Variants in SF3A3 observed in about 807,000 individuals in gnomAD.
SF3A3 encodes splicing factor 3a subunit 3, also known as SAP 61.
Under a neutral mutation model 85.8 loss-of-function variants are expected in SF3A3, and 9 were observed. The observed-to-expected ratio is 0.10, with a 90% CI of 0.06 to 0.18. SF3A3 has a LOEUF of 0.18. Among genes scored for constraint, SF3A3 ranks in the 10% least tolerant of loss-of-function variants. SF3A3 has a pLI of 1.00. For synonymous variants in SF3A3, 195 were observed against 204.4 expected (o/e 0.95, Z 0.39); for missense variants, 306 against 593.3 (o/e 0.52, Z 5.03).
intron 8 of SF3A3, 57 bp from the exon 9 acceptor site, chr1:37,979,590 T>C (rs1205348455): frequency 2.2e-6 from 3 of 1,345,092 alleles, no homozygotes; most frequent in African/African-American, 1.4e-5. Flanking sequence ...GTGTGGTGGC[T>C]CACACCTGTA....
chr1:37,965,472 G>A lies in SF3A3; in HGVS notation c.1372+2572C>T, dbSNP rs77870282. On this transcript the variant is annotated intron_variant, in intron 15 of 16. Coordinates refer to ENST00000373019, the MANE Select transcript of SF3A3 (RefSeq NM_006802.4). ...TTCAAATGACAGGTTGTAGCATGTT[G>A]CATGTTGGGCGGGGATCACGCCTGC... is the stretch of plus-strand genomic sequence containing the variant. Among the ~76,000 whole-genome samples the A allele has an allele frequency of 9.9e-4, 150 of 152,252 alleles. 1 individual carries two copies. The highest frequency in any genetic ancestry group is 3.5e-3 in the African/African-American group (144 of 41,554).
intron 6 of SF3A3, among the ~76,000 whole-genome samples, chr1:37,983,608 A>AAAAAAAAAAAAAAAAAATTTATTTTG (rs1646435820): frequency 6.8e-6 from 1 of 146,156 alleles, no homozygotes; most frequent in African/African-American, 2.5e-5. Context: ...AAAAAAAAAA[A>AAAAAAAAAAAAAAAAAATTTATTTTG]GATTTATTTT....
intron 15 of SF3A3, among the ~76,000 whole-genome samples, chr1:37,967,435 T>G (rs1646309555): frequency 6.7e-6 from 1 of 149,694 alleles, no homozygotes; most frequent in African/African-American, 2.5e-5. Context: ...ATCCCAGCAC[T>G]TTGGGAGGCC....
At chr1:37,988,858 TG>T (rs1646473128) in intron 2 of SF3A3, among the ~76,000 whole-genome samples, 4 of 99,518 alleles carry the variant, frequency 4.0e-5, no homozygotes, top group Non-Finnish European at 7.1e-5. Flanking sequence ...CGGGGTGTGT[TG>T]TGTGTGTGTG....
At position 37,987,668 on chromosome 1, in the gene SF3A3, C is replaced by T; in HGVS notation, c.208G>A (p.Glu70Lys). 1 of 1,613,980 alleles carries T rather than the reference C, an allele frequency of 6.2e-7. No individual in the cohort carries two copies. Among genetic ancestry groups the T allele is most frequent in the Non-Finnish European group, 8.5e-7 (1 of 1,179,864 alleles). ...GGTCCTGAAATGGCATTGAGCTCCT[C>T]CTTTCGTAATCTGCAATTTCAGGAA... is the stretch of plus-strand genomic sequence containing the variant. ...LYDDKDGLRKEELNAISGPNE... is the reference protein window; with the variant it reads ...LYDDKDGLRKKELNAISGPNE... The change falls in exon 4 of 17, where the codon GAG becomes AAG. Residue 70 changes from glutamate (E) to lysine (K), a missense_variant. This residue lies in a region of SF3A3 where 152 missense variants were observed against 192.0 expected (regional missense o/e 0.79). Coordinates refer to ENST00000373019, the MANE Select transcript of SF3A3 (RefSeq NM_006802.4).
chr1:37,969,254 T>C, intron 14 of SF3A3, 100 bp downstream of exon 14: 1 of 841,972 alleles, frequency 1.2e-6, no homozygotes, highest in Non-Finnish European at 2.0e-6. Flanking sequence ...TCCCTTCAGC[T>C]CTGGACACCA....
In SF3A3 at chr1:37,981,776, G is replaced by C. The variant is rs759746755; in HGVS notation, c.504C>G (p.Asp168Glu). The C allele has an allele frequency of 6.3e-7, 1 of 1,597,354 alleles. No homozygotes were observed. Among genetic ancestry groups the C allele is most frequent in the Non-Finnish European group, 8.6e-7 (1 of 1,166,552 alleles). ...TTTCTTTAGGAATGTCAAATAATTGGTCAAAGATGGACAGGTATGTGATAT... is the reference window on the plus strand; with the variant it reads ...TTTCTTTAGGAATGTCAAATAATTGCTCAAAGATGGACAGGTATGTGATAT... ...LDYITYLSIF[D>E]QLFDIPKERK... The change falls in exon 7 of 17, where the codon GAC becomes GAG. Residue 168 changes from aspartate (D) to glutamate (E), a missense_variant. Transcript: ENST00000373019.
In SF3A3 at chr1:37,989,976, T is replaced by C; in HGVS notation, c.-11A>G. On this transcript the variant is annotated 5_prime_UTR_variant, in exon 1 of 17. Coordinates refer to ENST00000373019, the MANE Select transcript of SF3A3 (RefSeq NM_006802.4). ...CAGTATTGTCTCCATCTTCCCTTAGTCGCGGCTTCTCAATTCAGACCACCA... is the reference window on the plus strand; with the variant it reads ...CAGTATTGTCTCCATCTTCCCTTAGCCGCGGCTTCTCAATTCAGACCACCA... 6.2e-7 allele frequency: 1 copy of C among 1,601,854 alleles called. No individual in the cohort carries two copies. The highest frequency in any genetic ancestry group is 8.5e-7 in the Non-Finnish European group (1 of 1,173,708).
chr1:37,962,107 CA>C (rs1476471103), intron 15 of SF3A3, among the ~76,000 whole-genome samples: 48 of 126,404 alleles, frequency 3.8e-4, no homozygotes, highest in African/African-American at 7.7e-4. Flanking sequence ...CAAAACAAAA[CA>C]AAACAAACAA....
chr1:37,962,511 G>A (rs555981608), intron 15 of SF3A3, among the ~76,000 whole-genome samples: 9 of 148,260 alleles, frequency 6.1e-5, no homozygotes, highest in Middle Eastern at 7.0e-3. Context: ...GCTGAGGCAG[G>A]AGAATCGCTT....
chr1:37,978,738 T>C lies in SF3A3; in HGVS notation c.917A>G (p.Lys306Arg). The change falls in exon 11 of 17, where the codon AAG becomes AGG. Residue 306 changes from lysine to arginine, a missense_variant. Around this residue, in one of 4 missense-constraint regions of SF3A3, gnomAD observed 136 missense variants for 296.6 expected, o/e 0.46. Coordinates refer to ENST00000373019, the MANE Select transcript of SF3A3 (RefSeq NM_006802.4). ...CACTCACCGCTTGGTGCCCTTTGAC[T>C]TGGGATTTTTGGCAAACAAAGAGGT... Reference protein sequence around the residue: ...LDTSLFAKNPKSKGTKRDTER... With the variant: ...LDTSLFAKNPRSKGTKRDTER... 1 of 1,563,914 alleles carries C rather than the reference T, an allele frequency of 6.4e-7. No homozygotes were observed. The highest frequency in any genetic ancestry group is 8.7e-7 in the Non-Finnish European group (1 of 1,152,726).
chr1:37,989,826 G>A lies in SF3A3; in HGVS notation c.96+44C>T, dbSNP rs200456728. On this transcript the variant is annotated intron_variant, in intron 1 of 16. Coordinates refer to ENST00000373019, the MANE Select transcript of SF3A3 (RefSeq NM_006802.4). Reference sequence around the variant, plus strand: ...GCTCTCAGAGGTCAAACACGGGATAGAGGCTCGTGCTCCTGCCGCAGCCTC... The same window carrying A: ...GCTCTCAGAGGTCAAACACGGGATAAAGGCTCGTGCTCCTGCCGCAGCCTC... The A allele has an allele frequency of 4.1e-6, 6 of 1,480,386 alleles. No individual in the cohort carries two copies. In the African/African-American group the frequency reaches 6.9e-5, roughly 17 times the overall value. The allele number at this position is 1,480,386 out of a possible 1,614,324, so 91.7% of individuals were successfully genotyped here. A position where few individuals can be genotyped will look rare whatever the true frequency, so the allele number is the denominator to read the frequency against.
At position 37,969,821 on chromosome 1, in the gene SF3A3, AC is replaced by A. The variant is rs1207231691; in HGVS notation, c.1006-87del. 1.7e-5 allele frequency: 24 copies of A among 1,424,838 alleles called. No individual in the cohort carries two copies. The East Asian group carries it at 4.6e-4, about 27-fold the overall frequency. The allele number at this position is 1,424,838 out of a possible 1,614,324, so 88.3% of individuals were successfully genotyped here. A position where few individuals can be genotyped will look rare whatever the true frequency, so the allele number is the denominator to read the frequency against. On this transcript the variant is annotated intron_variant, in intron 12 of 16. Transcript: ENST00000373019. ...TCCTGTTTTCCTGTAACTTTTGCTG[AC>A]CCCTTACTTCCAAGGATAAGGTTCT...
chr1:37,975,921 C>T (rs933539487), intron 12 of SF3A3, among the ~76,000 whole-genome samples: 2 of 152,162 alleles, frequency 1.3e-5, no homozygotes, highest in East Asian at 1.9e-4. Context: ...CTTTGGGAGG[C>T]CGAGGCAAGC....
chr1:37,966,783 A>G (rs1323758059), intron 15 of SF3A3, among the ~76,000 whole-genome samples: 1 of 151,072 alleles, frequency 6.6e-6, no homozygotes, highest in Non-Finnish European at 1.5e-5. Flanking sequence ...TAAAAGTACA[A>G]AATTAGCCAG....
Position 37,981,776 on chromosome 1 carries a change from G to A in SF3A3, c.504C>T (p.Asp168=), listed in dbSNP as rs759746755. Residue 168 remains aspartate (D), a synonymous_variant, in exon 7 of 17, where the codon GAC becomes GAT. Coordinates refer to ENST00000373019, the MANE Select transcript of SF3A3 (RefSeq NM_006802.4). ...TTTCTTTAGGAATGTCAAATAATTG[G>A]TCAAAGATGGACAGGTATGTGATAT... ...LDYITYLSIF[D]QLFDIPKERK... 1 of 1,597,472 alleles carries A rather than the reference G, an allele frequency of 6.3e-7. No individual in the cohort carries two copies. The highest frequency in any genetic ancestry group is 8.6e-7 in the Non-Finnish European group (1 of 1,166,544).
At chr1:37,983,492 G>A (rs1300174676) in intron 6 of SF3A3, among the ~76,000 whole-genome samples, 5 of 140,840 alleles carry the variant, frequency 3.6e-5, no homozygotes, top group East Asian at 2.2e-4. Flanking sequence ...GGGCTGAGGC[G>A]GGATCCATCA....
At chr1:37,978,506 T>C (rs575382097) in intron 11 of SF3A3, among the ~76,000 whole-genome samples, 171 of 152,276 alleles carry the variant, frequency 1.1e-3, no homozygotes, top group Non-Finnish European at 1.9e-3. Context: ...ATTTAGAAAC[T>C]TGATGTGCTC....
At chr1:37,974,029 A>G (rs1646361664) in intron 12 of SF3A3, among the ~76,000 whole-genome samples, 1 of 152,126 alleles carries the variant, frequency 6.6e-6, no homozygotes, top group African/African-American at 2.4e-5. Flanking sequence ...GGAATTGAAC[A>G]ATGAGAATAC....
Sources: allele counts gnomAD v4.1 joint callset (sites outside exome capture counted in the v4.1 genomes callset), GRCh38; gene constraint gnomAD v4.1.1; regional missense constraint gnomAD v4.1.1; transcripts MANE v1.5; gene names NCBI Gene and HGNC (gene_info 2026-07-23, HGNC 2026-07-21).